SLC25A21: variants seen among roughly 807,000 people sequenced by gnomAD.
SLC25A21 encodes the protein solute carrier family 25 member 21, also known as mitochondrial 2-oxodicarboxylate carrier.
Under a neutral mutation model 43.8 loss-of-function variants are expected in SLC25A21, and 47 were observed. That is an observed-to-expected ratio of 1.07 (90% CI 0.85 to 1.37). The LOEUF (loss-of-function observed/expected upper bound fraction) is 1.37. Ranked by LOEUF, SLC25A21 falls within the 40% of genes most tolerant of loss-of-function variation. SLC25A21 has a pLI of 0.00. For missense variants in SLC25A21, 352 were observed against 350.2 expected (o/e 1.00, Z -0.04); for synonymous variants, 131 against 121.3 (o/e 1.08, Z -0.52).
intron 3 of SLC25A21, among the ~76,000 whole-genome samples, chr14:36,750,300 C>T (rs1289770362): frequency 6.6e-6 from 1 of 152,072 alleles, no homozygotes; most frequent in Non-Finnish European, 1.5e-5. Context: ...AATAAATGGC[C>T]ACTGAGGAAG....
At chr14:37,047,468 A>G (rs934343486) in intron 1 of SLC25A21, among the ~76,000 whole-genome samples, 2 of 152,192 alleles carry the variant, frequency 1.3e-5, no homozygotes, top group Non-Finnish European at 2.9e-5. Context: ...ACCATGGTCC[A>G]TTTCCGGAAC....
intron 3 of SLC25A21, among the ~76,000 whole-genome samples, chr14:36,770,756 G>T (rs1232398875): frequency 6.6e-6 from 1 of 152,066 alleles, no homozygotes; most frequent in Non-Finnish European, 1.5e-5. Context: ...TACCTTTACT[G>T]GGAGTGTAGG....
chr14:36,994,703 C>T (rs1414759549), intron 1 of SLC25A21, among the ~76,000 whole-genome samples: 1 of 152,120 alleles, frequency 6.6e-6, no homozygotes, highest in Non-Finnish European at 1.5e-5. Context: ...TGACCCTAAG[C>T]AGCACCCAGA....
intron 1 of SLC25A21, among the ~76,000 whole-genome samples, chr14:37,159,081 A>G (rs1418727000): frequency 1.3e-5 from 2 of 152,158 alleles, no homozygotes; most frequent in Non-Finnish European, 2.9e-5. Context: ...AAGAAATTAA[A>G]GATGACACAA....
intron 2 of SLC25A21, among the ~76,000 whole-genome samples, chr14:36,853,939 T>C (rs1889821367): frequency 6.6e-6 from 1 of 152,238 alleles, no homozygotes; most frequent in Non-Finnish European, 1.5e-5. Flanking sequence ...TGAAAATCTT[T>C]TAAACTATAG....
intron 3 of SLC25A21, among the ~76,000 whole-genome samples, chr14:36,795,323 T>C (rs114377121): frequency 0.012 from 1,891 of 152,298 alleles, 22 homozygotes; most frequent in African/African-American, 0.029. Context: ...ACCAGTCCAC[T>C]CTGATCATCA....
intron 2 of SLC25A21, among the ~76,000 whole-genome samples, chr14:36,869,707 C>A (rs919529752): frequency 2.0e-5 from 3 of 152,128 alleles, no homozygotes; most frequent in Non-Finnish European, 4.4e-5. Flanking sequence ...AGGAGAGTGG[C>A]CCCATACCAG....
At chr14:36,717,532 C>T (rs1271291923) in intron 6 of SLC25A21, among the ~76,000 whole-genome samples, 2 of 152,212 alleles carry the variant, frequency 1.3e-5, no homozygotes, top group Admixed American at 1.3e-4. Context: ...AGGAGCACGG[C>T]ACCCTGCAGG....
chr14:36,725,705 T>A (rs548586739), intron 5 of SLC25A21, 28 bp from the exon 6 acceptor site: 27 of 1,477,020 alleles, frequency 1.8e-5, no homozygotes, highest in Non-Finnish European at 2.4e-5. Flanking sequence ...ATCAATACTT[T>A]AAAACAAGTT....
chr14:37,142,364 T>C (rs954419171), intron 1 of SLC25A21, among the ~76,000 whole-genome samples: 11 of 152,098 alleles, frequency 7.2e-5, no homozygotes, highest in Non-Finnish European at 1.2e-4. Context: ...TAAAAAGATA[T>C]TATATTCCTT....
chr14:36,794,656 C>T (rs1045003625), intron 3 of SLC25A21, among the ~76,000 whole-genome samples: 1 of 151,796 alleles, frequency 6.6e-6, no homozygotes, highest in African/African-American at 2.4e-5. Context: ...GTAATACCAG[C>T]TACTTGGGAG....
Position 36,928,110 on chromosome 14 carries a change from C to A in SLC25A21, c.71-53106G>T, listed in dbSNP as rs570722855. The stretch of plus-strand genomic sequence containing the variant: ...TAGAAGTCATGCTGACTTCCTAAAG[C>A]ATCTGGCCTCTCCCGCGAAGAGGTC... On this transcript the variant is annotated intron_variant, in intron 1 of 9. Transcript: ENST00000331299. Among the ~76,000 whole-genome samples the A allele has an allele frequency of 3.3e-3, 509 of 152,284 alleles. 4 individuals carry two copies. The highest frequency in any genetic ancestry group is 6.8e-3 in the Middle Eastern group (2 of 294).
chr14:36,685,975 A>G lies in SLC25A21; in HGVS notation c.604-1050T>C, dbSNP rs184267227. Among the ~76,000 whole-genome samples the G allele has an allele frequency of 9.9e-5, 15 of 152,222 alleles. No homozygotes were observed. The East Asian group carries it at 2.9e-3, about 29-fold the overall frequency. ...TTTTCCCTGCCCTCTCTTTTGATCA[A>G]TATTTTAGAGGGATCATCACAGAGG... On this transcript the variant is annotated intron_variant, in intron 7 of 9. Transcript: ENST00000331299.
intron 1 of SLC25A21, among the ~76,000 whole-genome samples, chr14:36,880,356 T>C (rs1217420267): frequency 6.6e-6 from 1 of 152,176 alleles, no homozygotes; most frequent in African/African-American, 2.4e-5. Flanking sequence ...GACACTCATG[T>C]TGGAGAAAAA....
chr14:36,870,532 T>C (rs1182805049), intron 2 of SLC25A21: 1 of 152,128 alleles, frequency 6.6e-6, no homozygotes, highest in African/African-American at 2.4e-5. Context: ...TCTCTTTCCT[T>C]GTTCTTAGAA....
intron 1 of SLC25A21, among the ~76,000 whole-genome samples, chr14:37,074,201 T>G (rs1962231180): frequency 7.7e-6 from 1 of 130,494 alleles, no homozygotes; most frequent in South Asian, 2.4e-4. Flanking sequence ...GCAAATCAAC[T>G]GCAGTTAAAA....
In SLC25A21 at chr14:36,711,474, G is replaced by A. The variant is rs758621518; in HGVS notation, c.447C>T (p.Ser149=). Residue 149 remains serine (S), a synonymous_variant, in exon 7 of 10, where the codon TCC becomes TCT. Coordinates refer to ENST00000331299, the MANE Select transcript of SLC25A21 (RefSeq NM_030631.4). The stretch of plus-strand genomic sequence containing the variant: ...TGATTTGTCTTGCATAACCCACAGT[G>A]GATGGTTGCTGCAGAAGAGAGAAGC... The part of the protein sequence containing the change: ...ANRNTFAEQP[S]TVGYARQIIK... The A allele has an allele frequency of 1.7e-5, 27 of 1,613,552 alleles. 1 individual carries two copies.
At position 36,845,431 on chromosome 14, in the gene SLC25A21, A is replaced by G. The variant is rs927546651; in HGVS notation, c.119+29525T>C. ...TTATATCCTTGAGATTCATTGTAAA[A>G]TACAGTAGAAATGATATGCCAGTAA... On this transcript the variant is annotated intron_variant, in intron 2 of 9. Transcript: ENST00000331299. Among the ~76,000 whole-genome samples, 36 of 152,214 alleles carry G rather than the reference A, an allele frequency of 2.4e-4. 1 individual carries two copies. Among genetic ancestry groups the G allele is most frequent in the African/African-American group, 8.7e-4 (36 of 41,448 alleles).
chr14:36,714,409 A>G (rs17105095), intron 6 of SLC25A21, among the ~76,000 whole-genome samples: 38,487 of 152,104 alleles, frequency 0.25, 5,001 homozygotes, highest in Middle Eastern at 0.33. Flanking sequence ...TGGGGTAGAG[A>G]TCTTGTTCCA....
Sources: gnomAD v4.1 joint callset for allele counts (sites outside exome capture counted in the v4.1 genomes callset) on GRCh38, gnomAD v4.1.1 for gene constraint, MANE v1.5 for transcripts, NCBI Gene and HGNC (gene_info 2026-07-23, HGNC 2026-07-21) for gene names.